BTRC: variants seen among roughly 807,000 people sequenced by gnomAD.
BTRC encodes the protein beta-transducin repeat containing E3 ubiquitin protein ligase, also known as F-box/WD repeat-containing protein 1A.
Under a neutral mutation model 85.5 loss-of-function variants are expected in BTRC, and 42 were observed. The ratio of observed to expected loss-of-function variants is 0.49; its 90% confidence interval spans 0.38 to 0.64. BTRC has a LOEUF of 0.64. Ranked by LOEUF, BTRC falls within the 30% of genes least tolerant of loss-of-function variation. BTRC has a pLI of 0.00. For synonymous variants in BTRC, 255 were observed against 263.3 expected (o/e 0.97, Z 0.30); for missense variants, 594 against 743.5 (o/e 0.80, Z 2.34).
At chr10:101,552,853 T>C (rs974378960) in intron 14 of BTRC, among the ~76,000 whole-genome samples, 28 of 152,230 alleles carry the variant, frequency 1.8e-4, no homozygotes, top group African/African-American at 6.3e-4. Context: ...TGCCCTGCCA[T>C]TCTACAGGGC....
chr10:101,484,562 T>A (rs1945932468), intron 4 of BTRC, among the ~76,000 whole-genome samples: 6 of 152,248 alleles, frequency 3.9e-5, no homozygotes, highest in Admixed American at 3.9e-4. Context: ...GCATTTCAGC[T>A]GTTCAGAGTT....
intron 3 of BTRC, among the ~76,000 whole-genome samples, chr10:101,469,876 T>C (rs1945475713): frequency 6.6e-6 from 1 of 152,230 alleles, no homozygotes; most frequent in East Asian, 1.9e-4. Flanking sequence ...GACATTCACT[T>C]TGCATAATGT....
intron 1 of BTRC, among the ~76,000 whole-genome samples, chr10:101,419,231 G>A (rs1417164703): frequency 1.3e-5 from 2 of 151,960 alleles, no homozygotes; most frequent in African/African-American, 2.4e-5. Flanking sequence ...GGCTGGTCTC[G>A]AACTCCTGAC....
At chr10:101,538,627 A>C (rs1405925313) in intron 13 of BTRC, among the ~76,000 whole-genome samples, 1 of 152,222 alleles carries the variant, frequency 6.6e-6, no homozygotes, top group Non-Finnish European at 1.5e-5. Flanking sequence ...ACAACAGTTT[A>C]GTGCAGGGAG....
At chr10:101,366,810 T>A (rs1401581266) in intron 1 of BTRC, among the ~76,000 whole-genome samples, 1 of 77,634 alleles carries the variant, frequency 1.3e-5, no homozygotes, top group East Asian at 3.7e-4. Context: ...ATATATATAT[T>A]TATATATATT....
chr10:101,525,645 G>T (rs1420554588), intron 5 of BTRC, among the ~76,000 whole-genome samples: 1 of 152,154 alleles, frequency 6.6e-6, no homozygotes, highest in South Asian at 2.1e-4. Flanking sequence ...ATTTGGGGGG[G>T]TCTGAATCAT....
At chr10:101,354,630 T>A (rs1314202012) in intron 1 of BTRC, 1 of 247,456 alleles carries the variant, frequency 4.0e-6, no homozygotes, top group Admixed American at 5.7e-5. Context: ...GGAGAGGAGG[T>A]GCATTCACGA....
chr10:101,389,119 G>GTTT lies in BTRC; in HGVS notation c.48+34918_48+34920dup, dbSNP rs1188561028. Among the ~76,000 whole-genome samples the GTTT allele has an allele frequency of 9.6e-4, 40 of 41,536 alleles. 1 individual carries two copies. Among genetic ancestry groups the GTTT allele is most frequent in the Non-Finnish European group, 1.4e-3 (36 of 25,238 alleles). 27.2% of individuals were successfully genotyped at this position (41,536 alleles called of 152,430 possible). A position where few individuals can be genotyped will look rare whatever the true frequency, so the allele number is the denominator to read the frequency against. Reference sequence around the variant, plus strand: ...TGCATAATTGTGATTTTTTGTGTGTGTTTTTTTTTTTTTTTTTTTTTTTTT... The same window carrying GTTT: ...TGCATAATTGTGATTTTTTGTGTGTGTTTTTTTTTTTTTTTTTTTTTTTTTTTT... On this transcript the variant is annotated intron_variant, in intron 1 of 14. Transcript: ENST00000370187.
rs751629385 is a variant in BTRC at position 101,555,623 on chromosome 10, C to G, written c.*2500C>G. On this transcript the variant is annotated 3_prime_UTR_variant, in exon 15 of 15. Transcript: ENST00000370187. Reference sequence around the variant, plus strand: ...AAGTTCATTTCCAGAGAAGGTAAACCCCACTTACCATCTCTGCATGATTTC... The same window carrying G: ...AAGTTCATTTCCAGAGAAGGTAAACGCCACTTACCATCTCTGCATGATTTC... 1.3e-5 allele frequency: 2 copies of G among 152,530 alleles called. No individual in the cohort carries two copies. Among genetic ancestry groups the G allele is most frequent in the Non-Finnish European group, 2.9e-5 (2 of 68,030 alleles). 9.4% of individuals were successfully genotyped at this position (152,530 alleles called of 1,614,324 possible).
At chr10:101,366,878 T>TTA (rs1406575254) in intron 1 of BTRC, among the ~76,000 whole-genome samples, 1 of 15,912 alleles carries the variant, frequency 6.3e-5, no homozygotes, top group East Asian at 1.3e-3. Flanking sequence ...TAATATATAT[T>TTA]TATATATATT....
chr10:101,360,370 C>CTTTTT (rs35794052), intron 1 of BTRC, among the ~76,000 whole-genome samples: 9 of 89,920 alleles, frequency 1.0e-4, no homozygotes, highest in African/African-American at 2.5e-4. Flanking sequence ...ATGGGATCTG[C>CTTTTT]TTTTTTTTTT....
intron 14 of BTRC, 28 bp downstream of exon 14, chr10:101,550,919 CTG>C (rs2062639960): frequency 1.3e-6 from 2 of 1,541,780 alleles, no homozygotes; most frequent in Middle Eastern, 3.5e-4. Context: ...GTACATAACA[CTG>C]TGGGTAGGAG....
At chr10:101,456,697 A>G (rs1440987031) in intron 2 of BTRC, among the ~76,000 whole-genome samples, 1 of 152,114 alleles carries the variant, frequency 6.6e-6, no homozygotes. Context: ...TCCTACCCAA[A>G]TCTCTGTTAC....
chr10:101,387,548 A>G (rs1304383238), intron 1 of BTRC, among the ~76,000 whole-genome samples: 1 of 13,630 alleles, frequency 7.3e-5, no homozygotes, highest in Non-Finnish European at 1.1e-4. Flanking sequence ...TTTTTTTTTG[A>G]GATAGCCTCA....
At chr10:101,404,055 A>G (rs1943560194) in intron 1 of BTRC, among the ~76,000 whole-genome samples, 1 of 37,432 alleles carries the variant, frequency 2.7e-5, no homozygotes, top group Non-Finnish European at 5.8e-5. Flanking sequence ...TTTTTGAGAC[A>G]GAGTCTCGCT....
upstream of BTRC, chr10:101,354,051 AG>A (rs1233709383): frequency 2.7e-6 from 3 of 1,099,188 alleles, no homozygotes; most frequent in Admixed American, 6.7e-5. Context: ...TTGGCCCCTC[AG>A]CCTGCGCCTG....
At chr10:101,535,965 A>G (rs1239040463) in intron 11 of BTRC, among the ~76,000 whole-genome samples, 1 of 152,266 alleles carries the variant, frequency 6.6e-6, no homozygotes, top group Non-Finnish European at 1.5e-5. Flanking sequence ...TGAAAAGGCC[A>G]TTAAAAAAGA....
chr10:101,494,766 G>T (rs1369859418), intron 4 of BTRC, among the ~76,000 whole-genome samples: 2 of 152,194 alleles, frequency 1.3e-5, no homozygotes, highest in Non-Finnish European at 2.9e-5. Flanking sequence ...CAGAATAGTT[G>T]TGTGTAGTAT....
At chr10:101,385,333 C>T (rs1448610451) in intron 1 of BTRC, among the ~76,000 whole-genome samples, 2 of 141,280 alleles carry the variant, frequency 1.4e-5, no homozygotes, top group Non-Finnish European at 3.0e-5. Context: ...CGCCACTGCA[C>T]TCCAGCCTAG....
Sources: allele counts gnomAD v4.1 joint callset (sites outside exome capture counted in the v4.1 genomes callset), GRCh38; gene constraint gnomAD v4.1.1; transcripts MANE v1.5; gene names NCBI Gene and HGNC (gene_info 2026-07-23, HGNC 2026-07-21).